Variants in ACAD10 observed in about 807,000 individuals in gnomAD.
The protein encoded by ACAD10 is ACAD-10.
A neutral mutation model predicts 116.8 loss-of-function variants in ACAD10; 112 were observed. The observed-to-expected ratio is 0.96, with a 90% CI of 0.82 to 1.12. ACAD10 has a LOEUF of 1.12. Ranked by LOEUF, ACAD10 falls within the 50% of genes most tolerant of loss-of-function variation. The pLI, the probability that ACAD10 is intolerant of heterozygous loss-of-function variation, is 0.00. For synonymous variants in ACAD10, 486 were observed against 510.6 expected (o/e 0.95, Z 0.65); for missense variants, 1,259 against 1,350.2 (o/e 0.93, Z 1.06).
rs755057062 is a variant in ACAD10, at chr12:111,702,292, G to C, written c.318G>C (p.Gly106=). 1 of 1,614,120 alleles carries C rather than the reference G, an allele frequency of 6.2e-7. No homozygotes were observed. Among genetic ancestry groups the C allele is most frequent in the East Asian group, 2.2e-5 (1 of 44,888 alleles). Reference sequence around the variant, plus strand: ...CAGAGGGTTTTTTACGAGAATTTGGGAGACTTTGCTCTGAAATGGTGAGTG... The same window carrying C: ...CAGAGGGTTTTTTACGAGAATTTGGCAGACTTTGCTCTGAAATGGTGAGTG... ...ITAEGFLREF[G]RLCSEMLKTS... The change falls in exon 3 of 21, where the codon GGG becomes GGC. Residue 106 remains glycine, a synonymous_variant. Coordinates refer to ENST00000313698, the MANE Select transcript of ACAD10 (RefSeq NM_025247.6).
chr12:111,712,486 C>T lies in ACAD10; in HGVS notation c.691-12C>T. On this transcript the variant is annotated splice_polypyrimidine_tract_variant and intron_variant, in intron 5 of 20. Transcript: ENST00000313698. The stretch of plus-strand genomic sequence containing the variant: ...CAAAAAATATACATCTACATATTCT[C>T]TCTGAAACCAGGTTAATGACCCAGA... 1.9e-6 allele frequency: 3 copies of T among 1,609,102 alleles called. No homozygotes were observed. Among genetic ancestry groups the T allele is most frequent in the Non-Finnish European group, 2.5e-6 (3 of 1,177,948 alleles).
chr12:111,733,824 G>A (rs1889470433), intron 10 of ACAD10, 99 bp from the exon 11 acceptor site: 8 of 1,475,154 alleles, frequency 5.4e-6, no homozygotes, highest in Non-Finnish European at 7.4e-6. Flanking sequence ...GGGGATGGGA[G>A]GGTGGGGAGC....
At chr12:111,705,703 G>A (rs1421741089) in intron 3 of ACAD10, 35 bp from the exon 4 acceptor site, 1 of 1,570,694 alleles carries the variant, frequency 6.4e-7, no homozygotes, top group Admixed American at 1.8e-5. Flanking sequence ...CACTCTTAAT[G>A]ATTGCTGTTC....
intron 11 of ACAD10, among the ~76,000 whole-genome samples, chr12:111,734,373 AT>A (rs1420229066): frequency 6.6e-6 from 1 of 152,240 alleles, no homozygotes; most frequent in African/African-American, 2.4e-5. Flanking sequence ...CATGCCTGTA[AT>A]CCCAGCACGT....
intron 12 of ACAD10, among the ~76,000 whole-genome samples, chr12:111,738,614 C>T (rs544958988): frequency 6.6e-6 from 1 of 152,170 alleles, no homozygotes; most frequent in East Asian, 1.9e-4. Context: ...GGCCTGTAAT[C>T]CCAGCACTTT....
At chr12:111,748,952 G>T in intron 17 of ACAD10, 1 of 1,493,680 alleles carries the variant, frequency 6.7e-7, no homozygotes, top group Non-Finnish European at 9.2e-7. Flanking sequence ...TTTATAAAAG[G>T]AATCACAGAA....
At chr12:111,740,186 A>G (rs1310623155) in intron 12 of ACAD10, among the ~76,000 whole-genome samples, 2 of 152,116 alleles carry the variant, frequency 1.3e-5, no homozygotes, top group Non-Finnish European at 2.9e-5. Flanking sequence ...AAAGGAGGCC[A>G]GTCATGATGG....
At chr12:111,689,666 T>C (rs1887981512) in intron 1 of ACAD10, among the ~76,000 whole-genome samples, 2 of 152,054 alleles carry the variant, frequency 1.3e-5, no homozygotes. Flanking sequence ...CGTCAGTTAC[T>C]GTGCCCTTAC....
In ACAD10 at chr12:111,736,867, C is replaced by G. The variant is rs777201947; in HGVS notation, c.1577C>G (p.Pro526Arg). Reference sequence around the variant, plus strand: ...TGTGACTTGACACAGCTGGGAATCCCTGCTGCAGAGGAGTATTTCAGGATG... The same window carrying G: ...TGTGACTTGACACAGCTGGGAATCCGTGCTGCAGAGGAGTATTTCAGGATG... ...NDCDLTQLGIPAAEEYFRMYC... is the reference protein window; with the variant it reads ...NDCDLTQLGIRAAEEYFRMYC... The change falls in exon 12 of 21, where the codon CCT becomes CGT. Residue 526 changes from proline (P) to arginine (R), a missense_variant. Pro to Arg is a moderately radical substitution (Grantham distance 103). Transcript: ENST00000313698. 4.1e-5 allele frequency: 66 copies of G among 1,613,986 alleles called. No individual in the cohort carries two copies. The highest frequency in any genetic ancestry group is 5.4e-5 in the Non-Finnish European group (64 of 1,179,986).
chr12:111,728,211 A>ATCGTTTTGGG lies in ACAD10; in HGVS notation c.1243+77_1243+86dup, dbSNP rs1344853383. 2.1e-5 allele frequency: 32 copies of ATCGTTTTGGG among 1,497,658 alleles called. 1 individual carries two copies. Among genetic ancestry groups the ATCGTTTTGGG allele is most frequent in the Middle Eastern group, 2.3e-4 (1 of 4,370 alleles). 92.8% of individuals were successfully genotyped at this position (1,497,658 alleles called of 1,614,324 possible). On this transcript the variant is annotated intron_variant, in intron 9 of 20. Coordinates refer to ENST00000313698, the MANE Select transcript of ACAD10 (RefSeq NM_025247.6). ...TAGTGCTTCTGCTTTTAGGATCTGA[A>ATCGTTTTGGG]TCGTTTTGGGTCGTTTTGAGTATTA...
chr12:111,695,569 T>A (rs1276350339), intron 2 of ACAD10, among the ~76,000 whole-genome samples: 1 of 152,174 alleles, frequency 6.6e-6, no homozygotes, highest in South Asian at 2.1e-4. Context: ...TGTTGCAGTG[T>A]TAGCTCTGCA....
chr12:111,704,844 C>T (rs928179661), intron 3 of ACAD10, among the ~76,000 whole-genome samples: 6 of 151,642 alleles, frequency 4.0e-5, no homozygotes, highest in East Asian at 1.9e-4. Flanking sequence ...CGTGCCACCA[C>T]GCCTGGCTAA....
intron 8 of ACAD10, among the ~76,000 whole-genome samples, chr12:111,727,556 AAAAAT>A (rs1889252313): frequency 6.6e-6 from 1 of 152,146 alleles, no homozygotes; most frequent in African/African-American, 2.4e-5. Flanking sequence ...TAAATAAACA[AAAAAT>A]AAAAACCTGG....
intron 11 of ACAD10, among the ~76,000 whole-genome samples, chr12:111,736,247 C>T (rs893042815): frequency 9.3e-5 from 13 of 139,982 alleles, no homozygotes; most frequent in Non-Finnish European, 1.7e-4. Flanking sequence ...AGTGCAGTGG[C>T]GTGATCTCAG....
At position 111,735,747 on chromosome 12, in the gene ACAD10, G is replaced by A. The variant is rs1201214273; in HGVS notation, c.1541-1084G>A. On this transcript the variant is annotated intron_variant, in intron 11 of 20. Coordinates refer to ENST00000313698, the MANE Select transcript of ACAD10 (RefSeq NM_025247.6). ...TAGGATTACAGGCGTGAGCCACTGCGCCTGGCCCGTGAAATTATTTTATTT... is the reference window on the plus strand; with the variant it reads ...TAGGATTACAGGCGTGAGCCACTGCACCTGGCCCGTGAAATTATTTTATTT... 3.9e-5 allele frequency among the ~76,000 whole-genome samples: 6 copies of A among 151,954 alleles called. 1 individual carries two copies. The South Asian group carries it at 1.2e-3, about 32-fold the overall frequency.
Position 111,748,487 on chromosome 12 carries a change from AG to A in ACAD10, c.2644+16del. 1 of 1,612,498 alleles carries A rather than the reference AG, an allele frequency of 6.2e-7. No homozygotes were observed. The highest frequency in any genetic ancestry group is 8.5e-7 in the Non-Finnish European group (1 of 1,179,868). ...GGAAGATGCACCAGGTGAGACCTCC[AG>A]GGGCGGGTCACCCCTGGGTGTGGGT... On this transcript the variant is annotated intron_variant, in intron 17 of 20. Transcript: ENST00000313698.
intron 12 of ACAD10, among the ~76,000 whole-genome samples, chr12:111,739,017 G>C (rs1889655755): frequency 6.6e-6 from 1 of 151,864 alleles, no homozygotes. Context: ...GGGGAATCAA[G>C]CATTTGTCCT....
intron 2 of ACAD10, among the ~76,000 whole-genome samples, chr12:111,697,999 CT>C (rs751374077): frequency 1.2e-3 from 159 of 132,616 alleles, no homozygotes; most frequent in Middle Eastern, 3.9e-3. Context: ...AGGTTGCGCC[CT>C]TTTTTTTTTT....
At chr12:111,715,069 C>T (rs1199064265) in intron 6 of ACAD10, among the ~76,000 whole-genome samples, 1 of 152,192 alleles carries the variant, frequency 6.6e-6, no homozygotes, top group Non-Finnish European at 1.5e-5. Context: ...GTGAAAAAGG[C>T]TTTTATTGAT....
Sources: allele counts gnomAD v4.1 joint callset (sites outside exome capture counted in the v4.1 genomes callset), GRCh38; gene constraint gnomAD v4.1.1; transcripts MANE v1.5; gene names NCBI Gene and HGNC (gene_info 2026-07-23, HGNC 2026-07-21).